CDK5RAP2: variants seen among roughly 807,000 people sequenced by gnomAD.
CDK5RAP2 encodes CDK5 regulatory subunit associated protein 2.
In CDK5RAP2, 147 loss-of-function variants were observed where a neutral mutation model predicts 232.9. The ratio of observed to expected loss-of-function variants is 0.63; its 90% CI spans 0.55 to 0.72. CDK5RAP2 has a LOEUF of 0.72. CDK5RAP2 is among the 30% of genes least tolerant of loss of function. The pLI, the probability that CDK5RAP2 is intolerant of heterozygous loss-of-function variation, is 0.00. For missense variants in CDK5RAP2, 2,195 were observed against 2,231.5 expected (o/e 0.98, Z 0.33); for synonymous variants, 833 against 833.7 (o/e 1.00, Z 0.01).
At chr9:120,482,923 C>T (rs889489248) in intron 14 of CDK5RAP2, among the ~76,000 whole-genome samples, 2 of 152,182 alleles carry the variant, frequency 1.3e-5, no homozygotes, top group Non-Finnish European at 2.9e-5. Flanking sequence ...TATTCCCCTG[C>T]GTTGAATCAT....
At chr9:120,516,164 C>T (rs1397533764) in intron 12 of CDK5RAP2, among the ~76,000 whole-genome samples, 1 of 152,082 alleles carries the variant, frequency 6.6e-6, no homozygotes, top group African/African-American at 2.4e-5. Context: ...GGCACATATA[C>T]ACCATGGAAT....
Position 120,552,784 on chromosome 9 carries a change from G to A in CDK5RAP2, c.196-1882C>T, listed in dbSNP as rs146976851. Among the ~76,000 whole-genome samples the A allele has an allele frequency of 2.3e-3, 354 of 151,530 alleles. 2 individuals carry two copies. Among genetic ancestry groups the A allele is most frequent in the African/African-American group, 8.0e-3 (330 of 41,226 alleles). ...GGTGCAGCACAGCAACATGGCACAT[G>A]TATACGTATGTAACGAACCTGCACA... On this transcript the variant is annotated intron_variant, in intron 3 of 37. Coordinates refer to ENST00000349780, the MANE Select transcript of CDK5RAP2 (RefSeq NM_018249.6).
At chr9:120,446,953 T>C (rs2036224723) in intron 22 of CDK5RAP2, among the ~76,000 whole-genome samples, 2 of 152,190 alleles carry the variant, frequency 1.3e-5, no homozygotes, top group South Asian at 4.1e-4. Flanking sequence ...ACGTTGTACA[T>C]ATGCTTATCA....
chr9:120,480,760 T>C (rs2038260179), intron 14 of CDK5RAP2, among the ~76,000 whole-genome samples: 1 of 152,182 alleles, frequency 6.6e-6, no homozygotes, highest in Non-Finnish European at 1.5e-5. Context: ...CTGTTGTGCT[T>C]CCAATCCTGA....
intron 3 of CDK5RAP2, among the ~76,000 whole-genome samples, chr9:120,554,913 A>C (rs10760102): frequency 6.6e-6 from 1 of 152,106 alleles, no homozygotes; most frequent in African/African-American, 2.4e-5. Flanking sequence ...GATTACAGGC[A>C]TGAGTCACCA....
rs972903965 is a variant in CDK5RAP2, at chr9:120,437,668, A to C, written c.3723-141T>G. ...GTATATATACTTTTAGAAAAATTGA[A>C]ACTGTACAAGGTCAGCTCTTCTTTG... On this transcript the variant is annotated intron_variant, in intron 24 of 37. Coordinates refer to ENST00000349780, the MANE Select transcript of CDK5RAP2 (RefSeq NM_018249.6). The C allele has an allele frequency of 1.2e-5, 8 of 674,746 alleles. No homozygotes were observed. The African/African-American group carries it at 1.4e-4, about 12-fold the overall frequency. The allele number at this position is 674,746 out of a possible 1,614,324, so 41.8% of individuals were successfully genotyped here. A position where few individuals can be genotyped will look rare whatever the true frequency, so the allele number is the denominator to read the frequency against.
Position 120,568,405 on chromosome 9 carries a change from T to G in CDK5RAP2, c.128-17A>C. On this transcript the variant is annotated splice_polypyrimidine_tract_variant and intron_variant, in intron 2 of 37. Coordinates refer to ENST00000349780, the MANE Select transcript of CDK5RAP2 (RefSeq NM_018249.6). Reference sequence around the variant, plus strand: ...TTGGGAGCACTGTAAAAAGGTAAAATAGAGGAAAACGTCACAGCATGCAAA... The same window carrying G: ...TTGGGAGCACTGTAAAAAGGTAAAAGAGAGGAAAACGTCACAGCATGCAAA... The G allele has an allele frequency of 3.8e-6, 6 of 1,596,640 alleles. No individual in the cohort carries two copies. The highest frequency in any genetic ancestry group is 4.3e-6 in the Non-Finnish European group (5 of 1,164,082).
chr9:120,397,275 C>T (rs1404034920), intron 35 of CDK5RAP2, among the ~76,000 whole-genome samples: 1 of 152,156 alleles, frequency 6.6e-6, no homozygotes, highest in African/African-American at 2.4e-5. Flanking sequence ...CAGCAATGAT[C>T]AATTCATGGC....
intron 24 of CDK5RAP2, among the ~76,000 whole-genome samples, chr9:120,438,445 T>C (rs1038039973): frequency 4.6e-5 from 7 of 152,126 alleles, no homozygotes; most frequent in African/African-American, 1.7e-4. Context: ...CAGTATCATG[T>C]GAGTACTGGA....
Position 120,579,983 on chromosome 9 carries a change from A to T in CDK5RAP2, c.-5T>A, listed in dbSNP as rs559670682. 6.2e-7 allele frequency: 1 copy of T among 1,602,988 alleles called. No homozygotes were observed. Among genetic ancestry groups the T allele is most frequent in the African/African-American group, 1.3e-5 (1 of 74,862 alleles). ...TTCCAACACCAAGTCCATCATGGCT[A>T]CAGAGGTGGCGACAGCGTTGGTGTC... is the stretch of plus-strand genomic sequence containing the variant. On this transcript the variant is annotated 5_prime_UTR_variant, in exon 1 of 38. Transcript: ENST00000349780.
At chr9:120,537,773 G>T (rs372722557) in intron 6 of CDK5RAP2, among the ~76,000 whole-genome samples, 2 of 152,034 alleles carry the variant, frequency 1.3e-5, no homozygotes. Flanking sequence ...TTACCTTCCT[G>T]TCTATAAAGA....
chr9:120,459,310 G>A (rs1270216483), intron 19 of CDK5RAP2, among the ~76,000 whole-genome samples: 1 of 152,116 alleles, frequency 6.6e-6, no homozygotes, highest in Non-Finnish European at 1.5e-5. Context: ...TGTCTTTGAG[G>A]TGCTGCAATT....
At chr9:120,434,851 G>C (rs1167019549) in intron 25 of CDK5RAP2, among the ~76,000 whole-genome samples, 1 of 152,212 alleles carries the variant, frequency 6.6e-6, no homozygotes, top group Non-Finnish European at 1.5e-5. Context: ...AACTGTTTCA[G>C]TGGAGGGGTT....
chr9:120,504,640 C>T (rs1179863347), intron 12 of CDK5RAP2, among the ~76,000 whole-genome samples: 1 of 152,164 alleles, frequency 6.6e-6, no homozygotes, highest in Non-Finnish European at 1.5e-5. Flanking sequence ...CGTCTCTGCT[C>T]GGCATCCTTC....
chr9:120,559,314 C>A (rs918281898), intron 3 of CDK5RAP2, among the ~76,000 whole-genome samples: 3 of 151,496 alleles, frequency 2.0e-5, no homozygotes, highest in Non-Finnish European at 4.4e-5. Flanking sequence ...GATGAAACCC[C>A]GTCTCTACTA....
chr9:120,543,434 TAC>T (rs1426652989), intron 5 of CDK5RAP2, among the ~76,000 whole-genome samples: 1 of 152,242 alleles, frequency 6.6e-6, no homozygotes, highest in Non-Finnish European at 1.5e-5. Context: ...CTCAGACCTA[TAC>T]ATTCTCTTCT....
rs746355185 is a variant in CDK5RAP2 at position 120,520,932 on chromosome 9, TATATC to T, written c.1093-2292_1093-2288del. On this transcript the variant is annotated intron_variant, in intron 11 of 37. Transcript: ENST00000349780. ...TATATCTCATATGAGCTGTATCTCA[TATATC>T]ATATATCTCATATGAGCTGTATCTC... Among the ~76,000 whole-genome samples, 537 of 152,126 alleles carry T rather than the reference TATATC, an allele frequency of 3.5e-3. 4 individuals carry two copies. Among genetic ancestry groups the T allele is most frequent in the Non-Finnish European group, 5.9e-3 (398 of 67,964 alleles).
At chr9:120,451,742 A>T (rs2131394173) in intron 21 of CDK5RAP2, among the ~76,000 whole-genome samples, 1 of 152,106 alleles carries the variant, frequency 6.6e-6, no homozygotes, top group South Asian at 2.1e-4. Flanking sequence ...TTACCAGCTA[A>T]ATCACTCTGG....
At chr9:120,427,181 G>A (rs2034962796) in intron 25 of CDK5RAP2, among the ~76,000 whole-genome samples, 1 of 152,110 alleles carries the variant, frequency 6.6e-6, no homozygotes, top group East Asian at 1.9e-4. Context: ...AGAAATCAGG[G>A]GTGTCCAATC....
Sources: allele counts gnomAD v4.1 joint callset (sites outside exome capture counted in the v4.1 genomes callset), GRCh38; gene constraint gnomAD v4.1.1; transcripts MANE v1.5; gene names NCBI Gene and HGNC (gene_info 2026-07-23, HGNC 2026-07-21).